The following ACTL8 variants were observed in gnomAD, a reference collection of about 807,000 sequenced individuals.
The protein encoded by ACTL8 is actin-like protein 8.
ACTL8 carries 3 observed loss-of-function variants against 9.3 expected under a neutral mutation model. The observed-to-expected ratio is 0.32, with a 90% CI of 0.15 to 0.83. The LOEUF (loss-of-function observed/expected upper bound fraction) is 0.83, where lower values mean the gene tolerates loss of function less well. ACTL8 is among the 40% of genes least tolerant of loss of function. ACTL8 has a pLI of 0.57. For synonymous variants in ACTL8, 224 were observed against 205.9 expected, an observed-to-expected ratio of 1.09 and a Z score of -0.75; for missense variants, 381 against 492.2, an observed-to-expected ratio of 0.77 and a Z score of 2.14.
intron 1 of ACTL8, among the ~76,000 whole-genome samples, chr1:17,786,897 G>A (rs191423737): frequency 5.9e-5 from 9 of 151,622 alleles, no homozygotes; most frequent in Non-Finnish European, 8.8e-5. Context: ...AGACAGGATC[G>A]TGCTTTCTTG....
intron 1 of ACTL8, among the ~76,000 whole-genome samples, chr1:17,759,158 T>G (rs182761030): frequency 6.6e-6 from 1 of 152,394 alleles, no homozygotes; most frequent in African/African-American, 2.4e-5. Flanking sequence ...CTTTTCTGGT[T>G]ATCAATTATT....
intron 1 of ACTL8, among the ~76,000 whole-genome samples, chr1:17,768,919 C>T (rs779309582): frequency 6.6e-6 from 1 of 152,138 alleles, no homozygotes; most frequent in Non-Finnish European, 1.5e-5. Flanking sequence ...GAGTGGTCCA[C>T]TGCTTCATGA....
intron 1 of ACTL8, among the ~76,000 whole-genome samples, chr1:17,796,582 C>T (rs946869331): frequency 3.9e-5 from 6 of 152,208 alleles, no homozygotes; most frequent in Non-Finnish European, 5.9e-5. Context: ...CTTTGTTAAA[C>T]ACTCAGCTTT....
At chr1:17,800,228 A>T (rs1267112759) in intron 1 of ACTL8, among the ~76,000 whole-genome samples, 1 of 152,226 alleles carries the variant, frequency 6.6e-6, no homozygotes, top group Non-Finnish European at 1.5e-5. Flanking sequence ...CATTTTAATA[A>T]TGTAAAACTT....
intron 1 of ACTL8, among the ~76,000 whole-genome samples, chr1:17,810,256 A>G (rs981177034): frequency 5.3e-5 from 8 of 152,172 alleles, no homozygotes; most frequent in African/African-American, 1.9e-4. Context: ...ACGTTCTCCA[A>G]TATCCATCAT....
At chr1:17,788,557 C>T (rs2066215230) in intron 1 of ACTL8, among the ~76,000 whole-genome samples, 2 of 152,230 alleles carry the variant, frequency 1.3e-5, no homozygotes, top group South Asian at 4.1e-4. Context: ...TTTCTGTTTT[C>T]CAAGTTTGCA....
At chr1:17,801,550 T>C (rs1291907198) in intron 1 of ACTL8, among the ~76,000 whole-genome samples, 1 of 152,224 alleles carries the variant, frequency 6.6e-6, no homozygotes, top group African/African-American at 2.4e-5. Flanking sequence ...AAATTTTTCT[T>C]GCCTTCAATA....
intron 1 of ACTL8, among the ~76,000 whole-genome samples, chr1:17,811,655 G>A (rs932242536): frequency 3.9e-5 from 6 of 152,314 alleles, no homozygotes; most frequent in Middle Eastern, 3.4e-3. Flanking sequence ...TGAGGAATGA[G>A]TCGAGGTTAT....
At chr1:17,820,288 G>A (rs2053645427) in intron 1 of ACTL8, among the ~76,000 whole-genome samples, 1 of 152,134 alleles carries the variant, frequency 6.6e-6, no homozygotes, top group African/African-American at 2.4e-5. Context: ...GCTTCTTTCA[G>A]CCTCGGGCAT....
chr1:17,799,230 T>C (rs2066302226), intron 1 of ACTL8, among the ~76,000 whole-genome samples: 1 of 152,204 alleles, frequency 6.6e-6, no homozygotes, highest in African/African-American at 2.4e-5. Context: ...CCCATTGGGC[T>C]CACTCCCACC....
At chr1:17,771,742 G>C (rs1444269028) in intron 1 of ACTL8, among the ~76,000 whole-genome samples, 1 of 152,012 alleles carries the variant, frequency 6.6e-6, no homozygotes, top group Non-Finnish European at 1.5e-5. Context: ...CTGTCACTGG[G>C]GGTGTCAAGC....
rs1246168379 is a variant in ACTL8, at chr1:17,826,686, G to C, written c.*167G>C. 1 of 645,340 alleles carries C rather than the reference G, an allele frequency of 1.5e-6. No individual in the cohort carries two copies. The allele number at this position is 645,340 out of a possible 1,614,324, so 40.0% of individuals were successfully genotyped here. ...TTAGGTTCTAAGGTTTTATCTTGTT[G>C]CAAGAGTGGGACCTACCCAAGGGGG... On this transcript the variant is annotated 3_prime_UTR_variant, in exon 3 of 3. Coordinates refer to ENST00000375406, the MANE Select transcript of ACTL8 (RefSeq NM_030812.3). The surrounding 1 kb of genome is among the most constrained non-coding windows in gnomAD (Gnocchi z 4.5).
At chr1:17,784,524 A>G (rs2066182220) in intron 1 of ACTL8, among the ~76,000 whole-genome samples, 2 of 152,192 alleles carry the variant, frequency 1.3e-5, no homozygotes, top group Non-Finnish European at 2.9e-5. Context: ...ATTTGTCATA[A>G]CCCACTTTCC....
Position 17,783,347 on chromosome 1 carries a change from G to T in ACTL8, c.-25+27843G>T, listed in dbSNP as rs202040497. 1.6e-3 allele frequency among the ~76,000 whole-genome samples: 205 copies of T among 124,386 alleles called. 1 individual carries two copies. Among genetic ancestry groups the T allele is most frequent in the East Asian group, 7.5e-3 (20 of 2,654 alleles). The allele number at this position is 124,386 out of a possible 152,430, so 81.6% of individuals were successfully genotyped here. ...TTTAAAAAGAGGAGTTTTTTTTTTT[G>T]TTTTGTTTTTTTTTTTTAAAAAAAC... On this transcript the variant is annotated intron_variant, in intron 1 of 2. Transcript: ENST00000375406.
chr1:17,779,829 T>C (rs774093980), intron 1 of ACTL8, among the ~76,000 whole-genome samples: 1 of 152,070 alleles, frequency 6.6e-6, no homozygotes, highest in Non-Finnish European at 1.5e-5. Context: ...CTACCTGGAG[T>C]GGGTCTTCCA....
intron 1 of ACTL8, among the ~76,000 whole-genome samples, chr1:17,758,102 T>G (rs1332719285): frequency 6.6e-6 from 1 of 152,194 alleles, no homozygotes; most frequent in Non-Finnish European, 1.5e-5. Flanking sequence ...GTCCTTGAAA[T>G]GCACAGTGGC....
intron 1 of ACTL8, among the ~76,000 whole-genome samples, chr1:17,763,654 C>T (rs1322304358): frequency 6.6e-6 from 1 of 152,220 alleles, no homozygotes. Context: ...TCATTAGCCG[C>T]AGGTGCTCTC....
At chr1:17,778,215 A>G (rs2066130179) in intron 1 of ACTL8, among the ~76,000 whole-genome samples, 1 of 152,118 alleles carries the variant, frequency 6.6e-6, no homozygotes, top group Non-Finnish European at 1.5e-5. Flanking sequence ...GCTTTGGTAA[A>G]CAGAAAGGGT....
intron 1 of ACTL8, among the ~76,000 whole-genome samples, chr1:17,790,745 T>C (rs1159957394): frequency 1.3e-5 from 2 of 152,208 alleles, no homozygotes; most frequent in Non-Finnish European, 1.5e-5. Context: ...CTGCTGCTGT[T>C]CATAGTGCCC....
Sources: allele counts gnomAD v4.1 joint callset (sites outside exome capture counted in the v4.1 genomes callset), GRCh38; gene constraint gnomAD v4.1.1; non-coding constraint Gnocchi (gnomAD v3.1); transcripts MANE v1.5; gene names NCBI Gene and HGNC (gene_info 2026-07-23, HGNC 2026-07-21).